SFXN5: variants seen among roughly 807,000 people sequenced by gnomAD.
The protein encoded by SFXN5 is sideroflexin-5.
Under a neutral mutation model 50.2 loss-of-function variants are expected in SFXN5, and 43 were observed. The observed-to-expected ratio is 0.86, with a 90% CI of 0.67 to 1.11. The LOEUF is 1.11. Among genes scored for constraint, SFXN5 ranks in the 50% least tolerant of loss-of-function variants. SFXN5 has a pLI of 0.00. For synonymous variants in SFXN5, 203 were observed against 185.8 expected, an observed-to-expected ratio of 1.09 and a Z score of -0.75; for missense variants, 463 against 454.1, an observed-to-expected ratio of 1.02 and a Z score of -0.18.
At chr2:73,021,430 G>T in intron 5 of SFXN5, among the ~76,000 whole-genome samples, 1 of 152,194 alleles carries the variant, frequency 6.6e-6, no homozygotes, top group African/African-American at 2.4e-5. Flanking sequence ...GTTGCAATGA[G>T]CAGAGATCAT....
chr2:73,023,109 C>A (rs1457743125), intron 4 of SFXN5, 79 bp downstream of exon 4: 2 of 1,459,544 alleles, frequency 1.4e-6, no homozygotes, highest in South Asian at 2.5e-5. Flanking sequence ...AGGGGGGCTT[C>A]CACTAGATCC....
At chr2:72,970,065 G>A (rs1038765260) in intron 11 of SFXN5, among the ~76,000 whole-genome samples, 3 of 152,206 alleles carry the variant, frequency 2.0e-5, no homozygotes, top group African/African-American at 7.2e-5. Flanking sequence ...AGCAAGCCAG[G>A]CTGAAGGAAG....
At chr2:72,971,886 G>A (rs1016847123) in intron 10 of SFXN5, among the ~76,000 whole-genome samples, 50 of 152,290 alleles carry the variant, frequency 3.3e-4, no homozygotes, top group African/African-American at 1.2e-3. Context: ...AACCTGGTAA[G>A]TGAAAGTGGA....
intron 9 of SFXN5, among the ~76,000 whole-genome samples, chr2:72,991,040 C>T (rs1004723569): frequency 1.3e-5 from 2 of 152,220 alleles, no homozygotes; most frequent in Non-Finnish European, 1.5e-5. Context: ...AGGCGGGGAA[C>T]AGGAGCCATT....
chr2:72,988,195 T>A (rs1672136849), intron 10 of SFXN5, 63 bp downstream of exon 10: 1 of 1,491,666 alleles, frequency 6.7e-7, no homozygotes. Context: ...TCTGTCTCCC[T>A]GGGAGCCCAG....
rs1679533465 is a variant in SFXN5, at chr2:73,040,849, G to A, written c.249+5C>T. ...TGGCCATGCTCCCACCTCCCACAGA[G>A]TTACCTGTTCATTGGTGACCCCCGG... On this transcript the variant is annotated splice_donor_5th_base_variant and intron_variant, in intron 3 of 13. Transcript: ENST00000272433. The A allele has an allele frequency of 1.2e-6, 2 of 1,608,542 alleles. No individual in the cohort carries two copies. The highest frequency in any genetic ancestry group is 1.7e-6 in the Non-Finnish European group (2 of 1,177,488).
intron 10 of SFXN5, among the ~76,000 whole-genome samples, chr2:72,981,830 A>C (rs1396755319): frequency 6.6e-6 from 1 of 152,174 alleles, no homozygotes; most frequent in Non-Finnish European, 1.5e-5. Context: ...CCCTTTTCTC[A>C]ACAAACACCA....
chr2:72,997,144 G>C (rs947909999), intron 9 of SFXN5: 1 of 152,184 alleles, frequency 6.6e-6, no homozygotes, highest in Admixed American at 6.5e-5. Context: ...AAGACATAAG[G>C]ATTTGGGAAA....
intron 4 of SFXN5, 40 bp from the exon 5 acceptor site, chr2:73,022,616 G>T: frequency 1.7e-6 from 1 of 586,840 alleles, no homozygotes; most frequent in Non-Finnish European, 3.2e-6. Context: ...GGGGACGGGG[G>T]TGTAGGGAGG....
At chr2:72,946,558 A>C (rs918187328) in intron 13 of SFXN5, among the ~76,000 whole-genome samples, 3 of 152,092 alleles carry the variant, frequency 2.0e-5, no homozygotes, top group Non-Finnish European at 4.4e-5. Context: ...TCAGGTTCAC[A>C]GCCGCCTGCC....
chr2:72,967,868 C>T (rs1182258916), intron 12 of SFXN5, among the ~76,000 whole-genome samples: 1 of 152,132 alleles, frequency 6.6e-6, no homozygotes, highest in Non-Finnish European at 1.5e-5. Flanking sequence ...AGAATCACTC[C>T]ACTACTGTTA....
intron 3 of SFXN5, among the ~76,000 whole-genome samples, chr2:73,039,961 C>A (rs1347536827): frequency 6.6e-6 from 1 of 152,040 alleles, no homozygotes; most frequent in Non-Finnish European, 1.5e-5. Flanking sequence ...CAGGCGTCCA[C>A]CACCATGCCC....
intron 3 of SFXN5, among the ~76,000 whole-genome samples, chr2:73,025,732 A>C (rs1490274398): frequency 6.6e-6 from 1 of 152,218 alleles, no homozygotes; most frequent in Non-Finnish European, 1.5e-5. Context: ...GAGTGGGCTC[A>C]GCCCAACTAG....
intron 3 of SFXN5, among the ~76,000 whole-genome samples, chr2:73,027,863 T>C (rs953828974): frequency 7.9e-5 from 12 of 152,038 alleles, no homozygotes; most frequent in African/African-American, 2.7e-4. Context: ...GGTCTCCCTA[T>C]GTTGCCCAGG....
At chr2:73,031,142 G>C (rs1450702829) in intron 3 of SFXN5, among the ~76,000 whole-genome samples, 1 of 152,222 alleles carries the variant, frequency 6.6e-6, no homozygotes, top group African/African-American at 2.4e-5. Context: ...CATAGTCATA[G>C]AACAGAAGCT....
chr2:73,053,978 C>T (rs1286482235), intron 2 of SFXN5, among the ~76,000 whole-genome samples: 2 of 152,210 alleles, frequency 1.3e-5, no homozygotes, highest in East Asian at 1.9e-4. Flanking sequence ...CCTCCCAGTG[C>T]CCCACAGCTC....
chr2:72,987,925 C>T (rs1017972114), intron 10 of SFXN5, among the ~76,000 whole-genome samples: 2 of 152,210 alleles, frequency 1.3e-5, no homozygotes, highest in Admixed American at 6.5e-5. Context: ...TGCCTGCATT[C>T]GTAACGGAAG....
intron 13 of SFXN5, among the ~76,000 whole-genome samples, chr2:72,947,740 G>A (rs951957054): frequency 2.0e-5 from 3 of 152,076 alleles, no homozygotes; most frequent in Admixed American, 6.5e-5. Flanking sequence ...CTGGTCACCC[G>A]AGAGGGCCAA....
intron 3 of SFXN5, among the ~76,000 whole-genome samples, chr2:73,030,653 C>T (rs1209245102): frequency 7.0e-6 from 1 of 142,716 alleles, no homozygotes; most frequent in Non-Finnish European, 1.5e-5. Flanking sequence ...CCCCATTCCT[C>T]CCTTCTCCAG....
Sources: allele counts gnomAD v4.1 joint callset (sites outside exome capture counted in the v4.1 genomes callset), GRCh38; gene constraint gnomAD v4.1.1; transcripts MANE v1.5; gene names NCBI Gene and HGNC (gene_info 2026-07-23, HGNC 2026-07-21).